ALMS1: variants seen among roughly 807,000 people sequenced by gnomAD.
The protein encoded by ALMS1 is centrosome-associated protein ALMS1.
Under a neutral mutation model 352.2 loss-of-function variants are expected in ALMS1, and 271 were observed. The ratio of observed to expected loss-of-function variants is 0.77; its 90% confidence interval spans 0.70 to 0.85. The LOEUF (loss-of-function observed/expected upper bound fraction) is 0.85. ALMS1 is among the 40% of genes least tolerant of loss of function. ALMS1 has a pLI of 0.00. For synonymous variants in ALMS1, 1,865 were observed against 1,761.2 expected (o/e 1.06, Z -1.48); for missense variants, 5,445 against 4,870.7 (o/e 1.12, Z -3.51).
rs1050518458 is a variant in ALMS1 at position 73,523,520 on chromosome 2, A to G, written c.9781+3504A>G. Among the ~76,000 whole-genome samples, 12 of 152,152 alleles carry G rather than the reference A, an allele frequency of 7.9e-5. No individual in the cohort carries two copies. The East Asian group carries it at 2.3e-3, about 29-fold the overall frequency. The stretch of plus-strand genomic sequence containing the variant: ...GGTGGCTCACACCTATAATCCCAGC[A>G]CTTTGGGAGGCCGAGGAGGGTGGAT... On this transcript the variant is annotated intron_variant, in intron 11 of 22. Transcript: ENST00000613296.
At chr2:73,519,735 A>G (rs1673632310) in intron 10 of ALMS1, 40 bp from the exon 11 acceptor site, 2 of 1,612,716 alleles carry the variant, frequency 1.2e-6, no homozygotes, top group Admixed American at 1.7e-5. Flanking sequence ...TCTAATGGCC[A>G]AGGATATAAT....
chr2:73,560,402 G>A (rs370211196), intron 15 of ALMS1, among the ~76,000 whole-genome samples: 19 of 152,248 alleles, frequency 1.2e-4, no homozygotes, highest in African/African-American at 3.9e-4. Context: ...GCAAATGTTC[G>A]TGAGGATGCA....
At chr2:73,477,601 T>A (rs1484936293) in intron 9 of ALMS1, among the ~76,000 whole-genome samples, 1 of 152,140 alleles carries the variant, frequency 6.6e-6, no homozygotes, top group Non-Finnish European at 1.5e-5. Context: ...TATTAATCTT[T>A]CAGTCCATAA....
chr2:73,490,657 G>A lies in ALMS1; in HGVS notation c.8698G>A (p.Val2900Met), dbSNP rs1381928006. 1.9e-6 allele frequency: 3 copies of A among 1,614,012 alleles called. No homozygotes were observed. The highest frequency in any genetic ancestry group is 1.3e-5 in the African/African-American group (1 of 74,996). ...CAAAGCCCCACGTGCAGATGACCAT[G>A]TGAGGAAACACCATTCTCCCTCTCC... is the stretch of plus-strand genomic sequence containing the variant. ...QSKAPRADDH[V>M]RKHHSPSPQH... is the part of the protein sequence containing the mutation. The change falls in exon 10 of 23, where the codon GTG (valine) becomes ATG (methionine). Residue 2900 changes from valine (V) to methionine (M), a missense_variant. Val to Met is a conservative substitution (Grantham distance 21, BLOSUM62 1). Transcript: ENST00000613296.
intron 9 of ALMS1, among the ~76,000 whole-genome samples, chr2:73,457,655 CAGCT>C (rs1364422492): frequency 6.6e-6 from 1 of 152,104 alleles, no homozygotes; most frequent in African/African-American, 2.4e-5. Flanking sequence ...ATATCCCTTT[CAGCT>C]TTGTGCCATT....
intron 14 of ALMS1, among the ~76,000 whole-genome samples, chr2:73,557,795 G>A (rs1032359650): frequency 4.6e-5 from 7 of 152,120 alleles, no homozygotes; most frequent in African/African-American, 1.7e-4. Context: ...AACCCTAATA[G>A]TGTATTTACG....
At chr2:73,531,154 T>G (rs1214542256) in intron 11 of ALMS1, among the ~76,000 whole-genome samples, 1 of 152,246 alleles carries the variant, frequency 6.6e-6, no homozygotes, top group Non-Finnish European at 1.5e-5. Context: ...TTCTACTGCA[T>G]AGTCAGGCTG....
At chr2:73,435,924 A>T (rs1375896212) in intron 7 of ALMS1, among the ~76,000 whole-genome samples, 2 of 152,222 alleles carry the variant, frequency 1.3e-5, no homozygotes, top group Non-Finnish European at 2.9e-5. Context: ...TCTTTAAATC[A>T]GTTAACAGAA....
At chr2:73,542,718 T>C (rs1345769587) in intron 12 of ALMS1, among the ~76,000 whole-genome samples, 2 of 152,052 alleles carry the variant, frequency 1.3e-5, no homozygotes, top group African/African-American at 4.8e-5. Context: ...TATACACCAA[T>C]AGCAGACAAA....
At chr2:73,598,382 C>T (rs1379902114) in intron 16 of ALMS1, among the ~76,000 whole-genome samples, 2 of 152,128 alleles carry the variant, frequency 1.3e-5, no homozygotes, top group Admixed American at 6.5e-5. Context: ...TTATCTGATT[C>T]GTGATGCATC....
rs1372827478 is a variant in ALMS1, at chr2:73,448,595, G to A, written c.2068G>A (p.Asp690Asn). 6.2e-7 allele frequency: 1 copy of A among 1,613,774 alleles called. No homozygotes were observed. Among genetic ancestry groups the A allele is most frequent in the Non-Finnish European group, 8.5e-7 (1 of 1,179,912 alleles). ...RQTLPDGHLT[D>N]QALKVSAVSG... ...GACCTTGCCAGATGGTCATCTAACT[G>A]ATCAGGCTCTGAAAGTCTCAGCTGT... Residue 690 changes from aspartate (D) to asparagine (N), a missense_variant, in exon 8 of 23, where the codon GAT becomes AAT. Coordinates refer to ENST00000613296, the MANE Select transcript of ALMS1 (RefSeq NM_001378454.1).
intron 1 of ALMS1, among the ~76,000 whole-genome samples, chr2:73,402,032 TTA>T (rs1272751489): frequency 5.0e-4 from 68 of 135,404 alleles, no homozygotes; most frequent in African/African-American, 2.0e-3. Context: ...TGTGTGTGTG[TTA>T]TGTGTGTGTG....
intron 2 of ALMS1, among the ~76,000 whole-genome samples, chr2:73,414,290 A>G (rs905302060): frequency 6.6e-6 from 1 of 152,026 alleles, no homozygotes; most frequent in Non-Finnish European, 1.5e-5. Context: ...ATTATTCATT[A>G]TAAGTGTATA....
chr2:73,502,792 G>A (rs1195154278), intron 10 of ALMS1, among the ~76,000 whole-genome samples: 1 of 152,074 alleles, frequency 6.6e-6, no homozygotes, highest in Admixed American at 6.6e-5. Flanking sequence ...TACATCTCCA[G>A]TTATGTTTGT....
chr2:73,393,124 T>A (rs1670684282), intron 1 of ALMS1, among the ~76,000 whole-genome samples: 1 of 152,190 alleles, frequency 6.6e-6, no homozygotes. Context: ...TTGCCCATTC[T>A]TTAATTGGGT....
Position 73,454,076 on chromosome 2 carries a change from A to C in ALMS1, c.7540+9A>C, listed in dbSNP as rs1444419774. Reference sequence around the variant, plus strand: ...CCGGGTACGAGCACATGGTAAGAAGAAAGTTTCAGGCTTATAAACGTTATA... The same window carrying C: ...CCGGGTACGAGCACATGGTAAGAAGCAAGTTTCAGGCTTATAAACGTTATA... On this transcript the variant is annotated intron_variant, in intron 8 of 22. Transcript: ENST00000613296. The C allele has an allele frequency of 6.2e-7, 1 of 1,602,790 alleles. No individual in the cohort carries two copies. Among genetic ancestry groups the C allele is most frequent in the South Asian group, 1.1e-5 (1 of 89,348 alleles).
chr2:73,513,762 C>T (rs954592502), intron 10 of ALMS1, among the ~76,000 whole-genome samples: 3 of 152,076 alleles, frequency 2.0e-5, no homozygotes, highest in African/African-American at 7.2e-5. Context: ...CCTCCATATC[C>T]TGATTTGGTG....
chr2:73,419,023 G>T, intron 2 of ALMS1, 100 bp from the exon 3 acceptor site: 1 of 965,136 alleles, frequency 1.0e-6, no homozygotes, highest in South Asian at 1.4e-5. Context: ...TCATTAAATA[G>T]GAAGCTATAT....
At chr2:73,393,174 A>G (rs892125099) in intron 1 of ALMS1, among the ~76,000 whole-genome samples, 3 of 152,184 alleles carry the variant, frequency 2.0e-5, no homozygotes, top group East Asian at 1.9e-4. Context: ...AATTCTTTAT[A>G]TATATGCATA....
Sources: gnomAD v4.1 joint callset for allele counts (sites outside exome capture counted in the v4.1 genomes callset) on GRCh38, gnomAD v4.1.1 for gene constraint, MANE v1.5 for transcripts, NCBI Gene and HGNC (gene_info 2026-07-23, HGNC 2026-07-21) for gene names.